Variants in SIPA1L1 observed in about 807,000 individuals in gnomAD.
SIPA1L1 encodes the protein signal induced proliferation associated 1 like 1.
Under a neutral mutation model 162.7 loss-of-function variants are expected in SIPA1L1, and 26 were observed. The ratio of observed to expected loss-of-function variants is 0.16; its 90% CI spans 0.12 to 0.22. The LOEUF (loss-of-function observed/expected upper bound fraction) is 0.22. Among genes scored for constraint, SIPA1L1 ranks in the 10% least tolerant of loss-of-function variants. The probability of loss-of-function intolerance (pLI) is 1.00; values close to 1 mark genes in which losing one functional copy is unlikely to be tolerated. For synonymous variants in SIPA1L1, 829 were observed against 837.4 expected (o/e 0.99, Z 0.17); for missense variants, 1,874 against 2,241.0 (o/e 0.84, Z 3.31).
At chr14:71,408,520 C>G (rs1205610970) in intron 2 of SIPA1L1, among the ~76,000 whole-genome samples, 1 of 152,164 alleles carries the variant, frequency 6.6e-6, no homozygotes, top group Non-Finnish European at 1.5e-5. Flanking sequence ...TGAATTGGGC[C>G]TGACTTGGTA....
At chr14:71,506,810 T>G (rs1165139760) in intron 2 of SIPA1L1, among the ~76,000 whole-genome samples, 1 of 151,978 alleles carries the variant, frequency 6.6e-6, no homozygotes. Context: ...TTATCTATTT[T>G]GTAATCTTTT....
chr14:71,444,243 C>G (rs1163172377), intron 2 of SIPA1L1, among the ~76,000 whole-genome samples: 1 of 152,162 alleles, frequency 6.6e-6, no homozygotes, highest in Non-Finnish European at 1.5e-5. Context: ...CTCTTAGGTG[C>G]TCAGAGCGTT....
chr14:71,723,743 C>T lies in SIPA1L1; in HGVS notation c.4305C>T (p.Leu1435=), dbSNP rs149109741. 63 of 1,614,092 alleles carry T rather than the reference C, an allele frequency of 3.9e-5. No individual in the cohort carries two copies. Among genetic ancestry groups the T allele is most frequent in the East Asian group, 6.7e-5 (3 of 44,900 alleles). ...EELHPAAPSQ[L]APSFSSSSSS... is the part of the protein sequence containing the mutation. ...TTCATCCAGCTGCCCCCTCACAGCTCGCACCATCCTTCTCCTCCTCTTCCT... is the reference window on the plus strand; with the variant it reads ...TTCATCCAGCTGCCCCCTCACAGCTTGCACCATCCTTCTCCTCCTCTTCCT... Residue 1435 remains leucine (L), a synonymous_variant, in exon 18 of 24, where the codon CTC becomes CTT. Transcript: ENST00000381232.
intron 2 of SIPA1L1, among the ~76,000 whole-genome samples, chr14:71,416,510 A>G (rs565952740): frequency 7.2e-5 from 11 of 152,104 alleles, no homozygotes; most frequent in African/African-American, 1.7e-4. Flanking sequence ...CAGTATCTCT[A>G]ATAGGTCAGG....
chr14:71,390,640 C>T (rs985339954), intron 2 of SIPA1L1, among the ~76,000 whole-genome samples: 3 of 152,056 alleles, frequency 2.0e-5, no homozygotes, highest in Admixed American at 6.6e-5. Context: ...AAAAAATTAG[C>T]CGTGCATGAT....
intron 3 of SIPA1L1, among the ~76,000 whole-genome samples, chr14:71,513,116 G>C (rs2051331480): frequency 6.6e-6 from 1 of 152,182 alleles, no homozygotes; most frequent in African/African-American, 2.4e-5. Context: ...TTTTGAGACT[G>C]TGCCTCAGGC....
chr14:71,510,062 G>GC (rs1365868586), intron 2 of SIPA1L1, among the ~76,000 whole-genome samples: 1 of 151,920 alleles, frequency 6.6e-6, no homozygotes, highest in African/African-American at 2.4e-5. Flanking sequence ...CAAAACAGTG[G>GC]CCTCCTGTAA....
In SIPA1L1 at chr14:71,588,685, C is replaced by T. The variant is rs1402888789; in HGVS notation, c.813C>T (p.Asn271=). ...ACGGGCCTATCTCACAGAGAGAGAA[C>T]CTCAGGCTTTTTAAGGAAAGGGAAA... ...VIDGPISQRE[N]LRLFKEREKP... is the part of the protein sequence containing the mutation. The change falls in exon 5 of 24, where the codon AAC becomes AAT. Residue 271 remains asparagine (N), a synonymous_variant. Coordinates refer to ENST00000381232, the MANE Select transcript of SIPA1L1 (RefSeq NM_001386936.1). The surrounding 1 kb of genome is among the most constrained non-coding windows in gnomAD (Gnocchi z 4.3). 6.2e-7 allele frequency: 1 copy of T among 1,613,906 alleles called. No homozygotes were observed. The highest frequency in any genetic ancestry group is 1.1e-5 in the South Asian group (1 of 91,076).
intron 8 of SIPA1L1, among the ~76,000 whole-genome samples, chr14:71,653,835 A>G (rs573545370): frequency 2.6e-5 from 4 of 152,316 alleles, no homozygotes; most frequent in Admixed American, 2.0e-4. Flanking sequence ...ACTTTACAGA[A>G]TTGGCTTCTT....
rs1353986380 is a variant in SIPA1L1, at chr14:71,739,432, ATATCTT to A, written c.*277_*282del. The stretch of plus-strand genomic sequence containing the variant: ...GTGAATGTCTTTATTTTTTTGCACA[ATATCTT>A]TATCTGTTATGTATTTAAGAAGAAA... On this transcript the variant is annotated 3_prime_UTR_variant, in exon 24 of 24. Transcript: ENST00000381232. 4.7e-6 allele frequency: 1 copy of A among 212,584 alleles called. No homozygotes were observed. The allele number at this position is 212,584 out of a possible 1,614,324, so 13.2% of individuals were successfully genotyped here.
Position 71,587,945 on chromosome 14 carries a change from G to A in SIPA1L1, c.73G>A (p.Gly25Ser), listed in dbSNP as rs376077800. ...TDRASVVGTD[G>S]TPKVHTDDFY... ...CAGGGCCTCTGTTGTTGGCACAGAC[G>A]GCACCCCCAAAGTCCACACTGATGA... The change falls in exon 5 of 24, where the codon GGC (glycine) becomes AGC (serine). Residue 25 changes from glycine to serine, a missense_variant. By Grantham distance (56) the Gly-to-Ser change is moderately conservative. This residue lies in a region of SIPA1L1 where 685 missense variants were observed against 828.0 expected (regional missense o/e 0.83). Coordinates refer to ENST00000381232, the MANE Select transcript of SIPA1L1 (RefSeq NM_001386936.1). The A allele has an allele frequency of 1.5e-5, 25 of 1,613,898 alleles. No homozygotes were observed. Among genetic ancestry groups the A allele is most frequent in the Non-Finnish European group, 2.1e-5 (25 of 1,179,950 alleles).
At chr14:71,483,359 C>T (rs747874501) in intron 2 of SIPA1L1, among the ~76,000 whole-genome samples, 2 of 152,190 alleles carry the variant, frequency 1.3e-5, no homozygotes, top group Non-Finnish European at 2.9e-5. Context: ...TCTTTGTGCG[C>T]ACATTGCTCT....
At chr14:71,685,722 A>G (rs2046233268) in intron 13 of SIPA1L1, 91 bp downstream of exon 13, 5 of 1,473,140 alleles carry the variant, frequency 3.4e-6, no homozygotes, top group African/African-American at 2.8e-5. Flanking sequence ...GCCTTCTCAT[A>G]TTTTACTAGA....
chr14:71,456,961 A>G (rs370989386), intron 2 of SIPA1L1, among the ~76,000 whole-genome samples: 1 of 152,222 alleles, frequency 6.6e-6, no homozygotes, highest in African/African-American at 2.4e-5. Flanking sequence ...TTATTTTTAA[A>G]ATTGAGGACA....
At chr14:71,432,927 C>T (rs969886326) in intron 2 of SIPA1L1, among the ~76,000 whole-genome samples, 2 of 152,108 alleles carry the variant, frequency 1.3e-5, no homozygotes, top group East Asian at 1.9e-4. Flanking sequence ...TTACAGGTAG[C>T]TCTTCCACTG....
At chr14:71,703,358 A>G (rs1004726095) in intron 15 of SIPA1L1, among the ~76,000 whole-genome samples, 2 of 152,184 alleles carry the variant, frequency 1.3e-5, no homozygotes, top group East Asian at 3.8e-4. Flanking sequence ...CTGCAAATTC[A>G]TTGTTTTGTC....
chr14:71,436,760 A>ATT lies in SIPA1L1; in HGVS notation c.-464-75962_-464-75961dup, dbSNP rs1231560483. On this transcript the variant is annotated intron_variant, in intron 2 of 23. Transcript: ENST00000381232. ...TATAAACTACAGACATACCTTCTGAATTTTTTTTTTTTTTTTTTTTTTGAG... is the reference window on the plus strand; with the variant it reads ...TATAAACTACAGACATACCTTCTGAATTTTTTTTTTTTTTTTTTTTTTTTGAG... 2.5e-3 allele frequency among the ~76,000 whole-genome samples: 333 copies of ATT among 130,934 alleles called. 2 individuals are homozygous for ATT. The highest frequency in any genetic ancestry group is 9.7e-3 in the East Asian group (39 of 4,026). The allele number at this position is 130,934 out of a possible 152,430, so 85.9% of individuals were successfully genotyped here.
intron 12 of SIPA1L1, among the ~76,000 whole-genome samples, chr14:71,672,831 A>G: frequency 6.6e-6 from 1 of 152,166 alleles, no homozygotes; most frequent in East Asian, 1.9e-4. Context: ...ACTAAATGGG[A>G]CCATTCCCAG....
chr14:71,644,193 C>T (rs2041963139), intron 7 of SIPA1L1, among the ~76,000 whole-genome samples: 1 of 151,862 alleles, frequency 6.6e-6, no homozygotes, highest in Non-Finnish European at 1.5e-5. Flanking sequence ...ATGAAAAATT[C>T]ATTGACTTTC....
Sources: gnomAD v4.1 joint callset for allele counts (sites outside exome capture counted in the v4.1 genomes callset) on GRCh38, gnomAD v4.1.1 for gene constraint, gnomAD v4.1.1 regional missense constraint, Gnocchi (gnomAD v3.1) non-coding constraint, MANE v1.5 for transcripts, NCBI Gene and HGNC (gene_info 2026-07-23, HGNC 2026-07-21) for gene names.